Variants in FAM193A observed in about 807,000 individuals in gnomAD.
FAM193A encodes the protein family with sequence similarity 193 member A.
Under a neutral mutation model 126.5 loss-of-function variants are expected in FAM193A, and 22 were observed. The ratio of observed to expected loss-of-function variants is 0.17; its 90% CI spans 0.12 to 0.25. FAM193A has a LOEUF of 0.25. FAM193A is among the 10% of genes least tolerant of loss of function. The pLI is 1.00. For synonymous variants in FAM193A, 761 were observed against 646.8 expected (o/e 1.18, Z -2.68); for missense variants, 1,675 against 1,672.8 (o/e 1.00, Z -0.02).
At chr4:2,680,020 C>T (rs1714918225) in intron 13 of FAM193A, among the ~76,000 whole-genome samples, 1 of 152,126 alleles carries the variant, frequency 6.6e-6, no homozygotes, top group African/African-American at 2.4e-5. Flanking sequence ...GCCACCACAC[C>T]CAGCTAATTT....
At chr4:2,708,979 G>T (rs1375429631) in intron 19 of FAM193A, among the ~76,000 whole-genome samples, 1 of 151,894 alleles carries the variant, frequency 6.6e-6, no homozygotes, top group African/African-American at 2.4e-5. Context: ...TCCACATTAA[G>T]TAAGATGTTG....
rs568473979 is a variant in FAM193A, at chr4:2,598,504, A to G, written c.501+2175A>G. On this transcript the variant is annotated intron_variant, in intron 2 of 20. Transcript: ENST00000637812. ...GTTAATGATTTTTGCATCTGTGCTC[A>G]TGAAGGCTGTCTGTAGGCCTCTTGT... Among the ~76,000 whole-genome samples the G allele has an allele frequency of 4.6e-5, 7 of 152,344 alleles. No individual in the cohort carries two copies. In the East Asian group the frequency reaches 1.3e-3, roughly 29 times the overall value.
At chr4:2,713,635 C>T (rs533972485) in intron 19 of FAM193A, among the ~76,000 whole-genome samples, 3 of 152,282 alleles carry the variant, frequency 2.0e-5, no homozygotes, top group Non-Finnish European at 4.4e-5. Flanking sequence ...CCCTGTCTCT[C>T]CTCTTCCCAT....
intron 1 of FAM193A, among the ~76,000 whole-genome samples, chr4:2,557,629 A>T (rs1253495901): frequency 1.3e-5 from 2 of 152,064 alleles, no homozygotes; most frequent in African/African-American, 4.8e-5. Context: ...TATGGTAGTA[A>T]TTTCATGCTC....
chr4:2,621,012 G>A (rs77845536), intron 2 of FAM193A, among the ~76,000 whole-genome samples: 4,366 of 152,122 alleles, frequency 0.029, 224 homozygotes, highest in African/African-American at 0.099. Context: ...GACATGGAGG[G>A]GGTGTCATTA....
Position 2,610,295 on chromosome 4 carries a change from G to T in FAM193A, c.501+13966G>T, listed in dbSNP as rs182093457. Among the ~76,000 whole-genome samples, 584 of 152,216 alleles carry T rather than the reference G, an allele frequency of 3.8e-3. 3 individuals carry two copies. The highest frequency in any genetic ancestry group is 0.011 in the Admixed American group (175 of 15,276). On this transcript the variant is annotated intron_variant, in intron 2 of 20. Transcript: ENST00000637812. ...CATTATCTTGAATTGTTACCCAATG[G>T]TTACTACGCCCATAGATCAATCAAG...
At position 2,695,018 on chromosome 4, in the gene FAM193A, T is replaced by C; in HGVS notation, c.3165T>C (p.Ser1055=). The change falls in exon 17 of 21, where the codon AGT becomes AGC. Residue 1055 remains serine (S), a synonymous_variant. Transcript: ENST00000637812. ...CACAGCAGGATGATGGGGACGAGAGTGCAGATGAGGACAGCTGCTCTGAGC... is the reference window on the plus strand; with the variant it reads ...CACAGCAGGATGATGGGGACGAGAGCGCAGATGAGGACAGCTGCTCTGAGC... ...YDPQQDDGDE[S]ADEDSCSEHS... is the part of the protein sequence containing the mutation. 2 of 1,609,898 alleles carry C rather than the reference T, an allele frequency of 1.2e-6. No individual in the cohort carries two copies. Among genetic ancestry groups the C allele is most frequent in the South Asian group, 1.1e-5 (1 of 90,216 alleles).
At chr4:2,690,204 C>T (rs957447211) in intron 14 of FAM193A, among the ~76,000 whole-genome samples, 1 of 152,194 alleles carries the variant, frequency 6.6e-6, no homozygotes, top group Non-Finnish European at 1.5e-5. Flanking sequence ...GAGGCCCAGC[C>T]GTTACTTCAG....
chr4:2,700,001 C>T lies in FAM193A; in HGVS notation c.3829C>T (p.Pro1277Ser), dbSNP rs530360787. 1.2e-6 allele frequency: 2 copies of T among 1,613,808 alleles called. No homozygotes were observed. Among genetic ancestry groups the T allele is most frequent in the East Asian group, 2.2e-5 (1 of 44,832 alleles). ...AGAACCAGAAACCTCTTCTCACTCCCCATCCAGGCATATGAACCACTCAGA... is the reference window on the plus strand; with the variant it reads ...AGAACCAGAAACCTCTTCTCACTCCTCATCCAGGCATATGAACCACTCAGA... ...TEEPETSSHS[P>S]SRHMNHSEPR... The change falls in exon 19 of 21, where the codon CCA becomes TCA. Residue 1277 changes from proline (P) to serine (S), a missense_variant. Pro to Ser is a moderately conservative substitution (Grantham distance 74). This residue lies in a region of FAM193A where 415 missense variants were observed against 396.7 expected (regional missense o/e 1.05). Coordinates refer to ENST00000637812, the MANE Select transcript of FAM193A (RefSeq NM_001366318.2).
At chr4:2,704,261 CAAAA>C (rs958166050) in intron 19 of FAM193A, among the ~76,000 whole-genome samples, 1 of 89,314 alleles carries the variant, frequency 1.1e-5, no homozygotes. Context: ...GACTCCATCT[CAAAA>C]AAAAAAAAAA....
In FAM193A at chr4:2,548,351, G is replaced by A. The variant is rs553497551; in HGVS notation, c.255+11181G>A. ...CTCCCAAAGTACTGGGATTTCAGGG[G>A]TGAGCCACCATGCCCGGCCTACTTT... is the stretch of plus-strand genomic sequence containing the variant. On this transcript the variant is annotated intron_variant, in intron 1 of 20. Transcript: ENST00000637812. Among the ~76,000 whole-genome samples, 9 of 152,172 alleles carry A rather than the reference G, an allele frequency of 5.9e-5. No individual in the cohort carries two copies. The East Asian group carries it at 1.7e-3, about 29-fold the overall frequency.
intron 19 of FAM193A, among the ~76,000 whole-genome samples, chr4:2,706,719 A>T (rs929008767): frequency 6.6e-6 from 1 of 151,018 alleles, no homozygotes; most frequent in Non-Finnish European, 1.5e-5. Context: ...ACATGTTGTA[A>T]TATCTCGTAG....
chr4:2,637,770 G>A (rs1411108207), intron 5 of FAM193A, among the ~76,000 whole-genome samples: 1 of 152,204 alleles, frequency 6.6e-6, no homozygotes, highest in African/African-American at 2.4e-5. Context: ...TGGGGCATGG[G>A]CAGGGCACTA....
intron 1 of FAM193A, among the ~76,000 whole-genome samples, chr4:2,566,290 G>A (rs895486423): frequency 3.9e-5 from 6 of 152,096 alleles, no homozygotes; most frequent in African/African-American, 9.7e-5. Flanking sequence ...CTCGTGATCT[G>A]CCCACCTTGG....
chr4:2,590,516 A>C lies in FAM193A; in HGVS notation c.256-5568A>C, dbSNP rs1160877029. Among the ~76,000 whole-genome samples the C allele has an allele frequency of 1.6e-4, 19 of 117,370 alleles. 2 individuals are homozygous for C. The highest frequency in any genetic ancestry group is 8.7e-4 in the Admixed American group (11 of 12,708). The allele number at this position is 117,370 out of a possible 152,430, so 77.0% of individuals were successfully genotyped here. A position where few individuals can be genotyped will look rare whatever the true frequency, so the allele number is the denominator to read the frequency against. On this transcript the variant is annotated intron_variant, in intron 1 of 20. Coordinates refer to ENST00000637812, the MANE Select transcript of FAM193A (RefSeq NM_001366318.2). ...AAAAACAAAAAAAAACAAAAAAAAA[A>C]CAAAACAAAATTAAAAAACAGAAAA...
At chr4:2,724,123 A>G (rs1720472026) in intron 20 of FAM193A, among the ~76,000 whole-genome samples, 1 of 152,090 alleles carries the variant, frequency 6.6e-6, no homozygotes, top group Admixed American at 6.6e-5. Context: ...AAAAGAGAAA[A>G]CCAGTTGCAT....
chr4:2,728,238 ATTTTT>A (rs58609064), intron 20 of FAM193A, among the ~76,000 whole-genome samples: 1 of 82,060 alleles, frequency 1.2e-5, no homozygotes. Flanking sequence ...ACCCGGCCCA[ATTTTT>A]TTTTTTTTTT....
At chr4:2,653,736 C>A (rs1419980544) in intron 7 of FAM193A, among the ~76,000 whole-genome samples, 1 of 152,174 alleles carries the variant, frequency 6.6e-6, no homozygotes, top group Admixed American at 6.5e-5. Context: ...GCCACCATGC[C>A]CAGCCAGGAG....
intron 1 of FAM193A, among the ~76,000 whole-genome samples, chr4:2,567,435 A>T (rs1264925665): frequency 6.6e-6 from 1 of 152,168 alleles, no homozygotes; most frequent in Non-Finnish European, 1.5e-5. Flanking sequence ...TCTCTAAATA[A>T]TTGAATTTAG....
Sources: allele counts gnomAD v4.1 joint callset (sites outside exome capture counted in the v4.1 genomes callset), GRCh38; gene constraint gnomAD v4.1.1; regional missense constraint gnomAD v4.1.1; transcripts MANE v1.5; gene names NCBI Gene and HGNC (gene_info 2026-07-23, HGNC 2026-07-21).